Variants in CELSR2 observed in about 807,000 individuals in gnomAD.
CELSR2 encodes EGF-like protein 2.
CELSR2 carries 81 observed loss-of-function variants against 251.6 expected under a neutral mutation model. The observed-to-expected ratio is 0.32, with a 90% CI of 0.27 to 0.39. CELSR2 has a LOEUF of 0.39. CELSR2 is among the 10% of genes least tolerant of loss of function. The pLI, the probability that CELSR2 is intolerant of heterozygous loss-of-function variation, is 1.00. For missense variants in CELSR2, 3,365 were observed against 3,947.7 expected, an observed-to-expected ratio of 0.85 and a Z score of 3.96; for synonymous variants, 1,721 against 1,670.5, an observed-to-expected ratio of 1.03 and a Z score of -0.74.
In CELSR2 at chr1:109,261,143, G is replaced by A. The variant is rs779714491; in HGVS notation, c.4060G>A (p.Asp1354Asn). The change falls in exon 3 of 34, where the codon GAT becomes AAT. Residue 1354 changes from aspartate (D) to asparagine (N), a missense_variant. This residue lies in a region of CELSR2 where 2,093 missense variants were observed against 2,382.8 expected (regional missense o/e 0.88). Transcript: ENST00000271332. The surrounding 1 kb of genome is among the most constrained non-coding windows in gnomAD (Gnocchi z 4.8). ...VNLLVGGFKC[D>N]CPSGDFEKPY... ...CCTGCTGGTGGGCGGTTTCAAGTGCGATTGCCCATCTGGAGACTTCGAGAA... is the reference window on the plus strand; with the variant it reads ...CCTGCTGGTGGGCGGTTTCAAGTGCAATTGCCCATCTGGAGACTTCGAGAA... The A allele has an allele frequency of 7.4e-6, 12 of 1,614,106 alleles. No individual in the cohort carries two copies. The highest frequency in any genetic ancestry group is 2.2e-5 in the East Asian group (1 of 44,876).
chr1:109,264,785 G>A (rs368816621), intron 11 of CELSR2, 83 bp from the exon 12 acceptor site: 5 of 1,606,214 alleles, frequency 3.1e-6, no homozygotes, highest in East Asian at 2.2e-5. Context: ...ATGCTATGTG[G>A]AAAGAAACAG....
At chr1:109,254,628 G>A (rs1013908242) in intron 1 of CELSR2, among the ~76,000 whole-genome samples, 1 of 152,116 alleles carries the variant, frequency 6.6e-6, no homozygotes, top group Non-Finnish European at 1.5e-5. Context: ...AGGGAAGGGA[G>A]GAAAAGAAGA....
At chr1:109,256,282 G>A (rs1285165825) in intron 1 of CELSR2, among the ~76,000 whole-genome samples, 1 of 152,196 alleles carries the variant, frequency 6.6e-6, no homozygotes. Flanking sequence ...GCTGGTGTCT[G>A]GGTGGGAAGG....
At chr1:109,255,659 A>T (rs980936679) in intron 1 of CELSR2, among the ~76,000 whole-genome samples, 1 of 152,238 alleles carries the variant, frequency 6.6e-6, no homozygotes, top group African/African-American at 2.4e-5. Context: ...CTTGGGACAC[A>T]GGTGGCATTT....
Position 109,250,271 on chromosome 1 carries a change from C to G in CELSR2, c.192C>G (p.Asn64Lys), listed in dbSNP as rs763962520. 1.9e-6 allele frequency: 3 copies of G among 1,612,794 alleles called. No individual in the cohort carries two copies. Among genetic ancestry groups the G allele is most frequent in the Non-Finnish European group, 2.5e-6 (3 of 1,179,796 alleles). The change falls in exon 1 of 34, where the codon AAC becomes AAG. Residue 64 changes from asparagine (N) to lysine (K), a missense_variant. Asn to Lys is a moderately conservative substitution (Grantham distance 94, BLOSUM62 0). This residue lies in a region of CELSR2 where 704 missense variants were observed against 784.1 expected (regional missense o/e 0.90). Coordinates refer to ENST00000271332, the MANE Select transcript of CELSR2 (RefSeq NM_001408.3). This position sits in a 1 kb window ranked among gnomAD's most constrained non-coding sequence, Gnocchi z 4.4. ...GGCTCTGTCCATCCTCAGCGTCGAA[C>G]CTCTGGCTCTACACCAGCCGCTGCA... is the stretch of plus-strand genomic sequence containing the variant. ...MGWLCPSSAS[N>K]LWLYTSRCRD...
chr1:109,267,370 G>A (rs1004446793), intron 15 of CELSR2, among the ~76,000 whole-genome samples, 178 bp from the exon 16 acceptor site: 3 of 152,198 alleles, frequency 2.0e-5, no homozygotes, highest in Non-Finnish European at 4.4e-5. Context: ...GACTGATCTT[G>A]CGGAGATTTT....
chr1:109,273,219 G>A lies in CELSR2; in HGVS notation c.8392G>A (p.Ala2798Thr), dbSNP rs771879606. ...CTGGCCAGGAGACTTTGGGACCACA[G>A]CAAAAGAGAGTAGTGGCAACGGGGC... The part of the protein sequence containing the change: ...APWPGDFGTT[A>T]KESSGNGAPE... Residue 2798 changes from alanine to threonine, a missense_variant, in exon 32 of 34, where the codon GCA (alanine) becomes ACA (threonine). This residue lies in a region of CELSR2 where 2,093 missense variants were observed against 2,382.8 expected (regional missense o/e 0.88). Coordinates refer to ENST00000271332, the MANE Select transcript of CELSR2 (RefSeq NM_001408.3). 1 of 1,613,630 alleles carries A rather than the reference G, an allele frequency of 6.2e-7. No homozygotes were observed. Among genetic ancestry groups the A allele is most frequent in the Non-Finnish European group, 8.5e-7 (1 of 1,179,842 alleles).
At chr1:109,270,779 CT>C in intron 24 of CELSR2, 147 bp from the exon 25 acceptor site, 2 of 1,018,124 alleles carry the variant, frequency 2.0e-6, no homozygotes, top group Non-Finnish European at 2.9e-6. Context: ...GCGTCACTCC[CT>C]TATCCTGGGG....
Position 109,264,333 on chromosome 1 carries a change from G to T in CELSR2, c.5257G>T (p.Gly1753Cys), listed in dbSNP as rs143338802. The T allele has an allele frequency of 6.2e-7, 1 of 1,611,330 alleles. No homozygotes were observed. Among genetic ancestry groups the T allele is most frequent in the Non-Finnish European group, 8.5e-7 (1 of 1,177,926 alleles). The change falls in exon 10 of 34, where the codon GGT becomes TGT. Residue 1753 changes from glycine to cysteine, a missense_variant. By Grantham distance (159) the Gly-to-Cys change is radical (BLOSUM62 -3). Coordinates refer to ENST00000271332, the MANE Select transcript of CELSR2 (RefSeq NM_001408.3). ...GGGCGGAATACCTGGGCCAGCCGGC[G>T]GTGTGGCCCGTGGCTTTCGGGGCTG... ...TVGGIPGPAG[G>C]VARGFRGCLQ...
chr1:109,260,758 A>G (rs1655997241), intron 2 of CELSR2, among the ~76,000 whole-genome samples: 1 of 151,984 alleles, frequency 6.6e-6, no homozygotes, highest in Non-Finnish European at 1.5e-5. Flanking sequence ...TGAAACCCAA[A>G]TGGGGTAGGG....
At position 109,268,869 on chromosome 1, in the gene CELSR2, CCCTT is replaced by C. The variant is rs775649553; in HGVS notation, c.6503-6_6503-3del. Reference sequence around the variant, plus strand: ...CTCACAGGTCCGATCTGTGACCATCCCCTTCCTTAGTCATCTCCGTAGTGCGCTT... The same window carrying C: ...CTCACAGGTCCGATCTGTGACCATCCCCTTAGTCATCTCCGTAGTGCGCTT... On this transcript the variant is annotated splice_region_variant and splice_polypyrimidine_tract_variant and intron_variant, in intron 18 of 33. Transcript: ENST00000271332. The C allele has an allele frequency of 1.9e-6, 3 of 1,597,832 alleles. No individual in the cohort carries two copies. The highest frequency in any genetic ancestry group is 2.7e-5 in the African/African-American group (2 of 74,674).
Position 109,269,972 on chromosome 1 carries a change from G to A in CELSR2, c.7147G>A (p.Ala2383Thr). ...ILPLKTLTYV[A>T]LGVTLAALLL... Reference sequence around the variant, plus strand: ...GCCACTGAAGACACTGACATACGTGGCTCTAGGTGTCACCTTGGCTGCCCT... The same window carrying A: ...GCCACTGAAGACACTGACATACGTGACTCTAGGTGTCACCTTGGCTGCCCT... The change falls in exon 23 of 34, where the codon GCT becomes ACT. Residue 2383 changes from alanine (A) to threonine (T), a missense_variant. Ala to Thr is a moderately conservative substitution (Grantham distance 58). Around this residue, in one of 5 missense-constraint regions of CELSR2, gnomAD observed 2,093 missense variants for 2,382.8 expected, o/e 0.88. Coordinates refer to ENST00000271332, the MANE Select transcript of CELSR2 (RefSeq NM_001408.3). The surrounding 1 kb of genome is among the most constrained non-coding windows in gnomAD (Gnocchi z 6.4). 6.2e-7 allele frequency: 1 copy of A among 1,614,096 alleles called. No homozygotes were observed. Among genetic ancestry groups the A allele is most frequent in the Admixed American group, 1.7e-5 (1 of 60,012 alleles).
Position 109,273,316 on chromosome 1 carries a change from C to G in CELSR2, c.8489C>G (p.Ser2830Cys). 1 of 1,598,456 alleles carries G rather than the reference C, an allele frequency of 6.3e-7. No homozygotes were observed. Among genetic ancestry groups the G allele is most frequent in the Non-Finnish European group, 8.5e-7 (1 of 1,171,984 alleles). Residue 2830 changes from serine (S) to cysteine (C), a missense_variant, in exon 32 of 34, where the codon TCT (serine) becomes TGT (cysteine). Physicochemically the swap from Ser to Cys is moderately radical, Grantham distance 112. Coordinates refer to ENST00000271332, the MANE Select transcript of CELSR2 (RefSeq NM_001408.3). Reference protein sequence around the residue: ...REGSLGPLPGSSAQPHKGILK... With the variant: ...REGSLGPLPGCSAQPHKGILK... ...GGGTCCCTAGGCCCCCTTCCAGGCTCTTCTGCCCAGCCTCACAAAGGTGAG... is the reference window on the plus strand; with the variant it reads ...GGGTCCCTAGGCCCCCTTCCAGGCTGTTCTGCCCAGCCTCACAAAGGTGAG...
rs975199665 is a variant in CELSR2, at chr1:109,262,144, C to T, written c.4387-143C>T. The T allele has an allele frequency of 3.5e-5, 43 of 1,236,534 alleles. 1 individual carries two copies. The highest frequency in any genetic ancestry group is 2.0e-4 in the South Asian group (14 of 68,642). The allele number at this position is 1,236,534 out of a possible 1,614,324, so 76.6% of individuals were successfully genotyped here. A position where few individuals can be genotyped will look rare whatever the true frequency, so the allele number is the denominator to read the frequency against. On this transcript the variant is annotated intron_variant, in intron 5 of 33. Transcript: ENST00000271332. ...GGAAGGTAGTTACATGCATAAACCA[C>T]GTGAGCACACGTGTGTGTATATGCA...
intron 6 of CELSR2, 146 bp downstream of exon 6, chr1:109,262,590 GA>G: frequency 7.4e-7 from 1 of 1,358,810 alleles, no homozygotes; most frequent in South Asian, 1.4e-5. Context: ...CAAGACTGGG[GA>G]ATCAGAGCAA....
Position 109,273,524 on chromosome 1 carries a change from G to A in CELSR2, c.8598G>A (p.Arg2866=), listed in dbSNP as rs1476691083. Residue 2866 remains arginine, a synonymous_variant, in exon 33 of 34, where the codon CGG becomes CGA. Coordinates refer to ENST00000271332, the MANE Select transcript of CELSR2 (RefSeq NM_001408.3). Reference sequence around the variant, plus strand: ...TGGAGCAATGCACAGGGTCTTCCCGGGGCTCCTCCGCTAGTGAGGGCAGCC... The same window carrying A: ...TGGAGCAATGCACAGGGTCTTCCCGAGGCTCCTCCGCTAGTGAGGGCAGCC... ...LPLEQCTGSS[R]GSSASEGSRG... 5.6e-6 allele frequency: 9 copies of A among 1,600,448 alleles called. No individual in the cohort carries two copies. In the Admixed American group the frequency reaches 1.5e-4, roughly 27 times the overall value.
In CELSR2 at chr1:109,261,914, A is replaced by G; in HGVS notation, c.4386+18A>G. 1.9e-6 allele frequency: 3 copies of G among 1,561,170 alleles called. No homozygotes were observed. Among genetic ancestry groups the G allele is most frequent in the East Asian group, 2.4e-5 (1 of 41,588 alleles). Reference sequence around the variant, plus strand: ...ACAATAAGGTGGGTGTGGAGGGCACAGAGGGTTGGGGGTTCTGTTCTTGCC... The same window carrying G: ...ACAATAAGGTGGGTGTGGAGGGCACGGAGGGTTGGGGGTTCTGTTCTTGCC... On this transcript the variant is annotated intron_variant, in intron 5 of 33. Coordinates refer to ENST00000271332, the MANE Select transcript of CELSR2 (RefSeq NM_001408.3). The surrounding 1 kb of genome is among the most constrained non-coding windows in gnomAD (Gnocchi z 4.8).
At chr1:109,266,356 T>G in intron 15 of CELSR2, 150 bp downstream of exon 15, 2 of 878,248 alleles carry the variant, frequency 2.3e-6, no homozygotes, top group Non-Finnish European at 3.4e-6. Flanking sequence ...TTGGTTCACA[T>G]TCCCCCTTCC....
chr1:109,264,211 C>G lies in CELSR2; in HGVS notation c.5135C>G (p.Pro1712Arg). Reference protein sequence around the residue: ...AQLALGASGGPGHAILSFDYG... With the variant: ...AQLALGASGGRGHAILSFDYG... ...CTGGCACTGGGAGCCAGCGGGGGGC[C>G]CGGCCATGCCATTCTGTCCTTCGAT... is the stretch of plus-strand genomic sequence containing the variant. Residue 1712 changes from proline to arginine, a missense_variant, in exon 10 of 34, where the codon CCC (proline) becomes CGC (arginine). By Grantham distance (103) the Pro-to-Arg change is moderately radical (BLOSUM62 -2). This residue lies in a region of CELSR2 where 2,093 missense variants were observed against 2,382.8 expected (regional missense o/e 0.88). Coordinates refer to ENST00000271332, the MANE Select transcript of CELSR2 (RefSeq NM_001408.3). The G allele has an allele frequency of 6.2e-7, 1 of 1,613,558 alleles. No homozygotes were observed.
Sources: allele counts gnomAD v4.1 joint callset (sites outside exome capture counted in the v4.1 genomes callset), GRCh38; gene constraint gnomAD v4.1.1; regional missense constraint gnomAD v4.1.1; non-coding constraint Gnocchi (gnomAD v3.1); transcripts MANE v1.5; gene names NCBI Gene and HGNC (gene_info 2026-07-23, HGNC 2026-07-21).